The following TOP1 variants were observed in gnomAD, a reference collection of about 807,000 sequenced individuals.
TOP1 encodes DNA topoisomerase I.
In TOP1, 10 loss-of-function variants were observed where a neutral mutation model predicts 111.1. The observed-to-expected ratio is 0.09, with a 90% CI of 0.06 to 0.15. TOP1 has a LOEUF of 0.15. Among genes scored for constraint, TOP1 ranks in the 10% least tolerant of loss-of-function variants. The probability of loss-of-function intolerance (pLI) is 1.00; values close to 1 mark genes in which losing one functional copy is unlikely to be tolerated. For synonymous variants in TOP1, 271 were observed against 302.9 expected (o/e 0.89, Z 1.10); for missense variants, 474 against 926.7 (o/e 0.51, Z 6.34).
chr20:41,034,731 CTG>C lies in TOP1; in HGVS notation c.58+5277_58+5278del, dbSNP rs553713607. Among the ~76,000 whole-genome samples the C allele has an allele frequency of 3.8e-4, 58 of 152,286 alleles. No individual in the cohort carries two copies. The highest frequency in any genetic ancestry group is 6.8e-3 in the Middle Eastern group (2 of 294). Reference sequence around the variant, plus strand: ...TGTTACTGGTATCTCATGCATATCTCTGGAGTATATAGATCGTAATATCAACT... The same window carrying C: ...TGTTACTGGTATCTCATGCATATCTCGAGTATATAGATCGTAATATCAACT... On this transcript the variant is annotated intron_variant, in intron 2 of 20. Transcript: ENST00000361337. The surrounding 1 kb of genome is among the most constrained non-coding windows in gnomAD (Gnocchi z 4.0).
In TOP1 at chr20:41,118,469, A is replaced by G. The variant is rs567180262; in HGVS notation, c.1950+173A>G. ...AGTTAATCTCTGATCAAGATACTGA[A>G]TATCAGAGTATCCATTATTCAAGAA... On this transcript the variant is annotated intron_variant, in intron 18 of 20. Transcript: ENST00000361337. The surrounding 1 kb of genome is among the most constrained non-coding windows in gnomAD (Gnocchi z 4.6). 5.3e-5 allele frequency among the ~76,000 whole-genome samples: 8 copies of G among 152,374 alleles called. No homozygotes were observed. Among genetic ancestry groups the G allele is most frequent in the African/African-American group, 1.4e-4 (6 of 41,590 alleles).
chr20:41,121,021 C>T lies in TOP1; in HGVS notation c.1951-675C>T, dbSNP rs920539173. 1.3e-5 allele frequency among the ~76,000 whole-genome samples: 2 copies of T among 152,214 alleles called. No individual in the cohort carries two copies. The highest frequency in any genetic ancestry group is 2.9e-5 in the Non-Finnish European group (2 of 68,046). ...CTCCCCAAAGTGCTGGGATTACAGG[C>T]GTGAGACACCGCGCCTGGTGACCGC... On this transcript the variant is annotated intron_variant, in intron 18 of 20. Transcript: ENST00000361337. This position sits in a 1 kb window ranked among gnomAD's most constrained non-coding sequence, Gnocchi z 4.2.
At chr20:41,089,425 T>G (rs776377879) in intron 8 of TOP1, among the ~76,000 whole-genome samples, 2 of 152,234 alleles carry the variant, frequency 1.3e-5, no homozygotes, top group Non-Finnish European at 2.9e-5. Flanking sequence ...ATTTGTCCTT[T>G]GTGACTGACT....
Position 41,076,618 on chromosome 20 carries a change from C to G in TOP1, c.279+324C>G, listed in dbSNP as rs558931308. ...GGTCTTCTGTTCATTAAAGGTTCTTCCCGAGTGAAAATTTAGTGATGCTGG... is the reference window on the plus strand; with the variant it reads ...GGTCTTCTGTTCATTAAAGGTTCTTGCCGAGTGAAAATTTAGTGATGCTGG... On this transcript the variant is annotated intron_variant, in intron 4 of 20. Transcript: ENST00000361337. Among the ~76,000 whole-genome samples the G allele has an allele frequency of 5.3e-5, 8 of 152,262 alleles. No homozygotes were observed. In the South Asian group the frequency reaches 1.7e-3, roughly 32 times the overall value.
At chr20:41,057,645 A>G (rs1374973711) in intron 2 of TOP1, among the ~76,000 whole-genome samples, 2 of 152,202 alleles carry the variant, frequency 1.3e-5, no homozygotes, top group South Asian at 2.1e-4. Flanking sequence ...TAAATTGACT[A>G]CCCTAAGATA....
intron 7 of TOP1, 78 bp from the exon 8 acceptor site, chr20:41,084,384 C>T: frequency 1.3e-6 from 1 of 771,584 alleles, no homozygotes. Flanking sequence ...AATTTTTCTT[C>T]CTCATGGCTC....
chr20:41,072,502 G>A, intron 3 of TOP1: 1 of 985,410 alleles, frequency 1.0e-6, no homozygotes. Context: ...TTATATGCTG[G>A]CCAAATCCTG....
Position 41,118,364 on chromosome 20 carries a change from G to C in TOP1, c.1950+68G>C. On this transcript the variant is annotated intron_variant, in intron 18 of 20. Transcript: ENST00000361337. This position sits in a 1 kb window ranked among gnomAD's most constrained non-coding sequence, Gnocchi z 4.6. ...GATTATCTGCGAATGAGAGGATTCA[G>C]GGCTGAGATATCAGCAGGCCAGTGC... 1 of 1,585,312 alleles carries C rather than the reference G, an allele frequency of 6.3e-7. No homozygotes were observed. Among genetic ancestry groups the C allele is most frequent in the Non-Finnish European group, 8.6e-7 (1 of 1,159,562 alleles).
At chr20:41,066,529 G>T (rs2033608588) in intron 3 of TOP1, among the ~76,000 whole-genome samples, 1 of 148,706 alleles carries the variant, frequency 6.7e-6, no homozygotes, top group African/African-American at 2.5e-5. Flanking sequence ...ATAATTTGTT[G>T]TATGTACTTT....
chr20:41,062,551 A>G (rs528433470), intron 3 of TOP1, among the ~76,000 whole-genome samples: 2 of 152,260 alleles, frequency 1.3e-5, no homozygotes, highest in East Asian at 1.9e-4. Flanking sequence ...AATCTACTCT[A>G]CATCTTTTCT....
rs2034432586 is a variant in TOP1 at position 41,122,075 on chromosome 20, C to T, written c.2115C>T (p.Ala705=). 6.2e-7 allele frequency: 1 copy of T among 1,614,132 alleles called. No individual in the cohort carries two copies. Residue 705 remains alanine (A), a synonymous_variant, in exon 20 of 21, where the codon GCC becomes GCT. Transcript: ENST00000361337. This position sits in a 1 kb window ranked among gnomAD's most constrained non-coding sequence, Gnocchi z 5.4. ...AGTTGATGAAGCTGGAAGTTCAAGC[C>T]ACAGACCGAGAGGAAAATAAACAGA... The part of the protein sequence containing the change: ...EEQLMKLEVQ[A]TDREENKQIA...
At chr20:41,056,045 C>A (rs2033466655) in intron 2 of TOP1, among the ~76,000 whole-genome samples, 1 of 152,166 alleles carries the variant, frequency 6.6e-6, no homozygotes, top group Non-Finnish European at 1.5e-5. Context: ...AATTACCAAC[C>A]TTTTGCCAGT....
Position 41,102,986 on chromosome 20 carries a change from C to T in TOP1, c.1308+1633C>T, listed in dbSNP as rs757293229. Among the ~76,000 whole-genome samples, 50 of 152,002 alleles carry T rather than the reference C, an allele frequency of 3.3e-4. No individual in the cohort carries two copies. Among genetic ancestry groups the T allele is most frequent in the African/African-American group, 7.5e-4 (31 of 41,390 alleles). On this transcript the variant is annotated intron_variant, in intron 13 of 20. Coordinates refer to ENST00000361337, the MANE Select transcript of TOP1 (RefSeq NM_003286.4). This position sits in a 1 kb window ranked among gnomAD's most constrained non-coding sequence, Gnocchi z 4.0. Reference sequence around the variant, plus strand: ...TATTTCAAACAAGAGAGAACTGTGTCGTGGACAAAGGGGAGGGTGGTAAGC... The same window carrying T: ...TATTTCAAACAAGAGAGAACTGTGTTGTGGACAAAGGGGAGGGTGGTAAGC...
chr20:41,069,199 T>C lies in TOP1; in HGVS notation c.156-6972T>C, dbSNP rs779841277. On this transcript the variant is annotated intron_variant, in intron 3 of 20. Transcript: ENST00000361337. The surrounding 1 kb of genome is among the most constrained non-coding windows in gnomAD (Gnocchi z 4.1). ...TAGGAATATGCACTTGAATTACGCATCTAGTTCTCAGATTAGGGGAGATTT... is the reference window on the plus strand; with the variant it reads ...TAGGAATATGCACTTGAATTACGCACCTAGTTCTCAGATTAGGGGAGATTT... 5.9e-5 allele frequency among the ~76,000 whole-genome samples: 9 copies of C among 152,212 alleles called. No individual in the cohort carries two copies. The highest frequency in any genetic ancestry group is 1.3e-4 in the Non-Finnish European group (9 of 68,040).
chr20:41,107,429 A>G (rs958840505), intron 13 of TOP1, among the ~76,000 whole-genome samples: 2 of 152,138 alleles, frequency 1.3e-5, no homozygotes, highest in African/African-American at 4.8e-5. Context: ...GTTCAGGGGA[A>G]TATTTCATTT....
chr20:41,055,799 T>A (rs1014322281), intron 2 of TOP1, among the ~76,000 whole-genome samples: 12 of 152,232 alleles, frequency 7.9e-5, no homozygotes, highest in African/African-American at 2.9e-4. Flanking sequence ...TTTTTGTAGA[T>A]TGCTTCAGAA....
Position 41,083,075 on chromosome 20 carries a change from T to C in TOP1, c.508-1387T>C, listed in dbSNP as rs1054573280. 6.6e-6 allele frequency among the ~76,000 whole-genome samples: 1 copy of C among 152,088 alleles called. No individual in the cohort carries two copies. Among genetic ancestry groups the C allele is most frequent in the African/African-American group, 2.4e-5 (1 of 41,426 alleles). The stretch of plus-strand genomic sequence containing the variant: ...CCAACTATAGTTTTTTTGTTTTTTG[T>C]TTTTTTCTCTTGTTTTTGAGAATTG... On this transcript the variant is annotated intron_variant, in intron 7 of 20. Transcript: ENST00000361337. This position sits in a 1 kb window ranked among gnomAD's most constrained non-coding sequence, Gnocchi z 7.2.
intron 2 of TOP1, among the ~76,000 whole-genome samples, chr20:41,044,041 C>A (rs368926138): frequency 5.9e-5 from 9 of 152,312 alleles, no homozygotes; most frequent in Admixed American, 1.3e-4. Flanking sequence ...CTTTGGGAGG[C>A]CGAGGCAGGC....
rs187816640 is a variant in TOP1 at position 41,059,615 on chromosome 20, G to T, written c.59-1779G>T. Among the ~76,000 whole-genome samples, 5 of 152,008 alleles carry T rather than the reference G, an allele frequency of 3.3e-5. No individual in the cohort carries two copies. The East Asian group carries it at 9.7e-4, about 29-fold the overall frequency. On this transcript the variant is annotated intron_variant, in intron 2 of 20. Transcript: ENST00000361337. The stretch of plus-strand genomic sequence containing the variant: ...CCTTTCCCTGCAAAAGAGAGAGAGA[G>T]AAAATCTGTGTAGCCCTTGAGTAGG...
Sources: allele counts gnomAD v4.1 joint callset (sites outside exome capture counted in the v4.1 genomes callset), GRCh38; gene constraint gnomAD v4.1.1; non-coding constraint Gnocchi (gnomAD v3.1); transcripts MANE v1.5; gene names NCBI Gene and HGNC (gene_info 2026-07-23, HGNC 2026-07-21).